PLCD1: variants seen among roughly 807,000 people sequenced by gnomAD.
PLCD1 encodes the protein phospholipase C delta 1.
Under a neutral mutation model 87.4 loss-of-function variants are expected in PLCD1, and 71 were observed. That is an observed-to-expected ratio of 0.81 (90% CI 0.67 to 0.99). The LOEUF (loss-of-function observed/expected upper bound fraction) is 0.99. Ranked by LOEUF, PLCD1 falls within the 50% of genes least tolerant of loss-of-function variation. PLCD1 has a pLI of 0.00. For missense variants in PLCD1, 867 were observed against 1,001.5 expected, an observed-to-expected ratio of 0.87 and a Z score of 1.81; for synonymous variants, 348 against 399.2, an observed-to-expected ratio of 0.87 and a Z score of 1.53.
rs1700296331 is a variant in PLCD1 at position 38,025,236 on chromosome 3, G to C, written c.34+4270C>G. Among the ~76,000 whole-genome samples the C allele has an allele frequency of 6.6e-6, 1 of 152,226 alleles. No individual in the cohort carries two copies. The highest frequency in any genetic ancestry group is 6.5e-5 in the Admixed American group (1 of 15,288). On this transcript the variant is annotated intron_variant, in intron 1 of 14. Transcript: ENST00000334661. This position sits in a 1 kb window ranked among gnomAD's most constrained non-coding sequence, Gnocchi z 4.0. Reference sequence around the variant, plus strand: ...CCCTCGGCTTTGGAGGCGGTGCGGGGGCGGAGCCAGGGTCCGGGAGGCAGT... The same window carrying C: ...CCCTCGGCTTTGGAGGCGGTGCGGGCGCGGAGCCAGGGTCCGGGAGGCAGT...
chr3:38,008,711 C>T (rs1575345456), intron 11 of PLCD1, 75 bp from the exon 12 acceptor site: 1 of 1,346,112 alleles, frequency 7.4e-7, no homozygotes, highest in Non-Finnish European at 1.1e-6. Flanking sequence ...TCAGGGTACA[C>T]TAAGGCCTAG....
rs991589559 is a variant in PLCD1 at position 38,024,121 on chromosome 3, A to G, written c.35-3769T>C. ...GAGCGTTGGAAGGGCTGAGTTAAAT[A>G]ATGAGAAGGGGTAACTAATCACCCT... On this transcript the variant is annotated intron_variant, in intron 1 of 14. Transcript: ENST00000334661. 2.0e-5 allele frequency: 11 copies of G among 540,436 alleles called. No homozygotes were observed. In the Admixed American group the frequency reaches 3.1e-4, roughly 15 times the overall value. The allele number at this position is 540,436 out of a possible 1,614,324, so 33.5% of individuals were successfully genotyped here. A position where few individuals can be genotyped will look rare whatever the true frequency, so the allele number is the denominator to read the frequency against.
At position 38,020,181 on chromosome 3, in the gene PLCD1, C is replaced by T. The variant is rs1354921636; in HGVS notation, c.199+7G>A. The T allele has an allele frequency of 1.2e-6, 2 of 1,611,524 alleles. No individual in the cohort carries two copies. The highest frequency in any genetic ancestry group is 1.1e-5 in the South Asian group (1 of 91,046). ...TATCCCCTCCCCTGTGACCCCAGGGCACTCACACAGCTGGGACTCCGGGGT... is the reference window on the plus strand; with the variant it reads ...TATCCCCTCCCCTGTGACCCCAGGGTACTCACACAGCTGGGACTCCGGGGT... On this transcript the variant is annotated splice_region_variant and intron_variant, in intron 2 of 14. Transcript: ENST00000334661.
rs1700224918 is a variant in PLCD1 at position 38,020,945 on chromosome 3, C to G, written c.35-593G>C. 2.6e-5 allele frequency among the ~76,000 whole-genome samples: 4 copies of G among 152,170 alleles called. No homozygotes were observed. The South Asian group carries it at 8.3e-4, about 32-fold the overall frequency. On this transcript the variant is annotated intron_variant, in intron 1 of 14. Transcript: ENST00000334661. ...CAAGCTGTGTGACCTGGGCAAGGGA[C>G]TTCATGCTGCTGGGCCTCTGCTTTC...
Position 38,010,516 on chromosome 3 carries a change from T to C in PLCD1, c.837A>G (p.Leu279=). The change falls in exon 6 of 15, where the codon TTA becomes TTG. Residue 279 remains leucine (L), a synonymous_variant. Transcript: ENST00000334661. Reference sequence around the variant, plus strand: ...TGAAGGCGCTGCCGTCAGCCGACAGTAAGTACATGAGGAAGCCGTCCTTGG... The same window carrying C: ...TGAAGGCGCTGCCGTCAGCCGACAGCAAGTACATGAGGAAGCCGTCCTTGG... ...QMTKDGFLMY[L]LSADGSAFSL... 6.2e-7 allele frequency: 1 copy of C among 1,614,086 alleles called. No homozygotes were observed. The highest frequency in any genetic ancestry group is 1.1e-5 in the South Asian group (1 of 91,082).
chr3:38,022,363 C>G (rs1315460173), intron 1 of PLCD1, among the ~76,000 whole-genome samples: 2 of 152,200 alleles, frequency 1.3e-5, no homozygotes, highest in Admixed American at 6.5e-5. Flanking sequence ...CACCTCCGGC[C>G]TCCGGCGGGG....
At chr3:38,024,078 C>T (rs1324170613) in intron 1 of PLCD1, 5 of 497,626 alleles carry the variant, frequency 1.0e-5, no homozygotes, top group Non-Finnish European at 1.4e-5. Context: ...AGGAAGGCGT[C>T]GGGTGACAAG....
intron 1 of PLCD1, chr3:38,024,467 G>T: frequency 6.3e-7 from 1 of 1,595,608 alleles, no homozygotes; most frequent in Non-Finnish European, 8.5e-7. Flanking sequence ...GCGCGGAGCC[G>T]GGTCCGGGGC....
intron 1 of PLCD1, among the ~76,000 whole-genome samples, chr3:38,027,338 C>T (rs1447544558): frequency 6.6e-6 from 1 of 152,170 alleles, no homozygotes; most frequent in African/African-American, 2.4e-5. Flanking sequence ...TCACTGGGTA[C>T]CAGGCACTGT....
Position 38,025,083 on chromosome 3 carries a change from C to G in PLCD1, c.34+4423G>C, listed in dbSNP as rs1320352080. 6.6e-6 allele frequency among the ~76,000 whole-genome samples: 1 copy of G among 151,528 alleles called. No individual in the cohort carries two copies. Among genetic ancestry groups the G allele is most frequent in the East Asian group, 1.9e-4 (1 of 5,132 alleles). On this transcript the variant is annotated intron_variant, in intron 1 of 14. Transcript: ENST00000334661. This position sits in a 1 kb window ranked among gnomAD's most constrained non-coding sequence, Gnocchi z 4.0. ...GAGGCGGAGCTCAGGCCGGGAGCCT[C>G]TGCTCCAGAGGCGACGTGGAGGCAG... is the stretch of plus-strand genomic sequence containing the variant.
At chr3:38,012,103 T>C (rs73060838) in intron 3 of PLCD1, among the ~76,000 whole-genome samples, 6,713 of 147,092 alleles carry the variant, frequency 0.046, 169 homozygotes, top group African/African-American at 0.056. Flanking sequence ...TCACAGCTCA[T>C]TGCAGCCTAG....
Position 38,020,360 on chromosome 3 carries a change from T to G in PLCD1, c.35-8A>C, listed in dbSNP as rs1369936266. On this transcript the variant is annotated splice_region_variant and splice_polypyrimidine_tract_variant and intron_variant, in intron 1 of 14. Transcript: ENST00000334661. ...CCTCATCATCCTGTAGGCCTGGGGA[T>G]CAAAGCCAGTAAGATGCCACCTTCT... 6.2e-7 allele frequency: 1 copy of G among 1,613,662 alleles called. No individual in the cohort carries two copies. Among genetic ancestry groups the G allele is most frequent in the African/African-American group, 1.3e-5 (1 of 75,028 alleles).
Position 38,009,096 on chromosome 3 carries a change from T to G in PLCD1, c.1669A>C (p.Thr557Pro). 6.2e-7 allele frequency: 1 copy of G among 1,614,014 alleles called. No homozygotes were observed. Among genetic ancestry groups the G allele is most frequent in the Middle Eastern group, 1.7e-4 (1 of 5,936 alleles). Residue 557 changes from threonine to proline, a missense_variant, in exon 11 of 15, where the codon ACA (threonine) becomes CCA (proline). By Grantham distance (38) the Thr-to-Pro change is conservative. Coordinates refer to ENST00000334661, the MANE Select transcript of PLCD1 (RefSeq NM_006225.4). ...ACGGGGCTGTAGTTGGAGGAGTCTG[T>G]TCTCCATCCAGCCGGGTAGATTCTG... ...LSRIYPAGWR[T>P]DSSNYSPVEM...
intron 4 of PLCD1, 44 bp downstream of exon 4, chr3:38,011,499 AG>A (rs1559372917): frequency 9.9e-6 from 16 of 1,613,916 alleles, no homozygotes; most frequent in Non-Finnish European, 1.4e-5. Context: ...GCCGGGGTCA[AG>A]GGCCCCATGG....
At chr3:38,015,066 C>T (rs1700134713) in intron 3 of PLCD1, among the ~76,000 whole-genome samples, 1 of 152,176 alleles carries the variant, frequency 6.6e-6, no homozygotes, top group Non-Finnish European at 1.5e-5. Flanking sequence ...AAAGGTTAAA[C>T]ATAGTTACCA....
chr3:38,007,517 T>TA lies in PLCD1; in HGVS notation c.*255dup, dbSNP rs1349637742. 1.5e-6 allele frequency: 1 copy of TA among 654,910 alleles called. No individual in the cohort carries two copies. Among genetic ancestry groups the TA allele is most frequent in the Non-Finnish European group, 2.8e-6 (1 of 357,740 alleles). The allele number at this position is 654,910 out of a possible 1,614,324, so 40.6% of individuals were successfully genotyped here. A position where few individuals can be genotyped will look rare whatever the true frequency, so the allele number is the denominator to read the frequency against. On this transcript the variant is annotated 3_prime_UTR_variant, in exon 15 of 15. Coordinates refer to ENST00000334661, the MANE Select transcript of PLCD1 (RefSeq NM_006225.4). ...AGGCTTAATCTTATCGTGATTTTTA[T>TA]AAAAATCCTTGACCACTCGCTGGCC...
chr3:38,021,038 G>T (rs1700226229), intron 1 of PLCD1, among the ~76,000 whole-genome samples: 1 of 152,148 alleles, frequency 6.6e-6, no homozygotes, highest in Admixed American at 6.5e-5. Context: ...ATGAGATGAT[G>T]CCTGAATCTG....
intron 1 of PLCD1, among the ~76,000 whole-genome samples, chr3:38,022,714 C>A (rs1700252954): frequency 6.6e-6 from 1 of 152,108 alleles, no homozygotes. Context: ...TAGCCACAGC[C>A]CTCTGGACCA....
At chr3:38,008,772 C>A in intron 11 of PLCD1, 136 bp from the exon 12 acceptor site, 1 of 790,470 alleles carries the variant, frequency 1.3e-6, no homozygotes, top group Non-Finnish European at 2.1e-6. Flanking sequence ...GCCTGCTGCC[C>A]TCCTGCCACC....
Sources: allele counts gnomAD v4.1 joint callset (sites outside exome capture counted in the v4.1 genomes callset), GRCh38; gene constraint gnomAD v4.1.1; non-coding constraint Gnocchi (gnomAD v3.1); transcripts MANE v1.5; gene names NCBI Gene and HGNC (gene_info 2026-07-23, HGNC 2026-07-21).